STYXL2: variants seen among roughly 807,000 people sequenced by gnomAD.
The protein encoded by STYXL2 is serine/threonine/tyrosine-interacting-like protein 2.
A neutral mutation model predicts 52.4 loss-of-function variants in STYXL2; 44 were observed. The observed-to-expected ratio is 0.84, with a 90% CI of 0.66 to 1.08. The LOEUF (loss-of-function observed/expected upper bound fraction) is 1.08. STYXL2 is among the 50% of genes least tolerant of loss of function. The pLI is 0.00. For missense variants in STYXL2, 1,604 were observed against 1,471.7 expected (o/e 1.09, Z -1.47); for synonymous variants, 604 against 586.9 (o/e 1.03, Z -0.42).
chr1:167,120,849 TATATATATATATATATA>T (rs1667839070), intron 5 of STYXL2, among the ~76,000 whole-genome samples: 1 of 9,056 alleles, frequency 1.1e-4, no homozygotes, highest in African/African-American at 1.4e-3. Flanking sequence ...TATATATATA[TATATATATATATATATA>T]TATATATATA....
intron 2 of STYXL2, among the ~76,000 whole-genome samples, chr1:167,105,475 G>T (rs1036245611): frequency 1.3e-5 from 2 of 152,022 alleles, no homozygotes; most frequent in South Asian, 2.1e-4. Flanking sequence ...TTCTAATCAG[G>T]GTGTGAGTGT....
chr1:167,112,755 C>T (rs12129108), intron 2 of STYXL2, among the ~76,000 whole-genome samples: 17,696 of 152,154 alleles, frequency 0.12, 1,150 homozygotes, highest in African/African-American at 0.17. Context: ...ATTTTCTCAT[C>T]GGTAATGCAG....
At chr1:167,094,299 C>A in intron 1 of STYXL2, 105 bp downstream of exon 1, 1 of 156,578 alleles carries the variant, frequency 6.4e-6, no homozygotes, top group Non-Finnish European at 1.4e-5. Flanking sequence ...ATGGCTGGGA[C>A]CAGCTGCTGG....
chr1:167,104,180 C>T (rs968632409), intron 2 of STYXL2, among the ~76,000 whole-genome samples: 1 of 151,990 alleles, frequency 6.6e-6, no homozygotes, highest in Non-Finnish European at 1.5e-5. Context: ...CCCCACCCCC[C>T]GTCTCTTCCT....
rs766217259 is a variant in STYXL2, at chr1:167,128,488, G to T, written c.3357G>T (p.Gln1119His). ...GGTTTGCATCTGGACGGCGGTCCCA[G>T]TATCGGAGAAGCACTGACAGGGAGG... The part of the protein sequence containing the change: ...EGRFASGRRS[Q>H]YRRSTDREEE... Residue 1119 changes from glutamine to histidine, a missense_variant, in exon 6 of 6, where the codon CAG becomes CAT. Transcript: ENST00000361200. 16 of 1,613,894 alleles carry T rather than the reference G, an allele frequency of 9.9e-6. No individual in the cohort carries two copies. The highest frequency in any genetic ancestry group is 1.7e-5 in the Admixed American group (1 of 59,996).
At chr1:167,118,436 G>A (rs2102240282) in intron 4 of STYXL2, among the ~76,000 whole-genome samples, 1 of 152,308 alleles carries the variant, frequency 6.6e-6, no homozygotes, top group South Asian at 2.1e-4. Context: ...TTTGAACAGT[G>A]GGTCTTATCT....
At position 167,127,347 on chromosome 1, in the gene STYXL2, A is replaced by C; in HGVS notation, c.2216A>C (p.Gln739Pro). Reference sequence around the variant, plus strand: ...GTCAGTGAGACCCTTGCTCAGAAGCAAAATGAAATGCTGCTGTTGTCCCGC... The same window carrying C: ...GTCAGTGAGACCCTTGCTCAGAAGCCAAATGAAATGCTGCTGTTGTCCCGC... ...NVVSETLAQKQNEMLLLSRSP... is the reference protein window; with the variant it reads ...NVVSETLAQKPNEMLLLSRSP... The change falls in exon 6 of 6, where the codon CAA becomes CCA. Residue 739 changes from glutamine (Q) to proline (P), a missense_variant. Transcript: ENST00000361200. 6.2e-7 allele frequency: 1 copy of C among 1,614,220 alleles called. No individual in the cohort carries two copies. The highest frequency in any genetic ancestry group is 8.5e-7 in the Non-Finnish European group (1 of 1,180,040).
chr1:167,128,262 G>A lies in STYXL2; in HGVS notation c.3131G>A (p.Arg1044Gln), dbSNP rs1360739423. Residue 1044 changes from arginine (R) to glutamine (Q), a missense_variant, in exon 6 of 6, where the codon CGG becomes CAG. Arg to Gln is a conservative substitution (Grantham distance 43). Coordinates refer to ENST00000361200, the MANE Select transcript of STYXL2 (RefSeq NM_001080426.3). ...AGCCCAGAGCCCTACTTCTTCCGCC[G>A]GACCCCAGAGTCCTCAGAAAGGGAA... is the stretch of plus-strand genomic sequence containing the variant. ...EESPEPYFFR[R>Q]TPESSEREES... The A allele has an allele frequency of 4.3e-6, 7 of 1,613,976 alleles. No individual in the cohort carries two copies. In the South Asian group the frequency reaches 4.4e-5, roughly 10 times the overall value.
At chr1:167,113,953 C>T (rs1225497284) in intron 3 of STYXL2, 149 bp downstream of exon 3, 2 of 685,140 alleles carry the variant, frequency 2.9e-6, no homozygotes, top group African/African-American at 1.8e-5. Flanking sequence ...TCTGCCAACC[C>T]TACCTCCTCA....
intron 2 of STYXL2, among the ~76,000 whole-genome samples, chr1:167,106,876 T>C (rs1482845994): frequency 6.6e-6 from 1 of 152,260 alleles, no homozygotes; most frequent in Non-Finnish European, 1.5e-5. Flanking sequence ...AAGCATTTGC[T>C]TAAAACTTGC....
At position 167,126,156 on chromosome 1, in the gene STYXL2, T is replaced by C. The variant is rs369055427; in HGVS notation, c.1025T>C (p.Ile342Thr). The change falls in exon 6 of 6, where the codon ATA becomes ACA. Residue 342 changes from isoleucine to threonine, a missense_variant. Coordinates refer to ENST00000361200, the MANE Select transcript of STYXL2 (RefSeq NM_001080426.3). ...ATQASKPLTL[I>T]DEEEEEKLYE... ...CAGGCCTCCAAGCCCCTCACCCTCATAGACGAGGAGGAGGAGGAGAAACTG... is the reference window on the plus strand; with the variant it reads ...CAGGCCTCCAAGCCCCTCACCCTCACAGACGAGGAGGAGGAGGAGAAACTG... The C allele has an allele frequency of 4.0e-6, 6 of 1,512,402 alleles. No homozygotes were observed. Among genetic ancestry groups the C allele is most frequent in the Non-Finnish European group, 5.3e-6 (6 of 1,133,144 alleles). 93.7% of individuals were successfully genotyped at this position (1,512,402 alleles called of 1,614,324 possible).
intron 3 of STYXL2, among the ~76,000 whole-genome samples, chr1:167,114,771 T>G (rs1455956163): frequency 6.6e-6 from 1 of 151,632 alleles, no homozygotes; most frequent in Non-Finnish European, 1.5e-5. Context: ...TTTTTTCTTT[T>G]TCTTCCATAC....
Position 167,119,266 on chromosome 1 carries a change from A to T in STYXL2, c.455A>T (p.Lys152Met). ...FIAEKSVAVN[K>M]GRLKRLGITH... ...TCCCGCAGGAGTGTGGCTGTGAACA[A>T]GGGGAGGCTGAAGAGGCTGGGAATC... The change falls in exon 5 of 6, where the codon AAG becomes ATG. Residue 152 changes from lysine to methionine, a missense_variant. Transcript: ENST00000361200. 5 of 1,614,174 alleles carry T rather than the reference A, an allele frequency of 3.1e-6. No homozygotes were observed. The highest frequency in any genetic ancestry group is 1.6e-4 in the Middle Eastern group (1 of 6,062).
intron 2 of STYXL2, among the ~76,000 whole-genome samples, chr1:167,105,062 A>G (rs1448398811): frequency 7.0e-6 from 1 of 142,414 alleles, no homozygotes; most frequent in African/African-American, 3.1e-5. Flanking sequence ...TTATCCTTAC[A>G]ATGGGTGGTG....
chr1:167,119,202 C>T (rs752312770), intron 4 of STYXL2, 47 bp from the exon 5 acceptor site: 8 of 1,581,098 alleles, frequency 5.1e-6, no homozygotes, highest in Admixed American at 1.7e-5. Flanking sequence ...GGTGACACAC[C>T]TTTCTAGTTC....
Position 167,119,315 on chromosome 1 carries a change from T to G in STYXL2, c.504T>G (p.His168Gln), listed in dbSNP as rs756237141. 3 of 1,614,200 alleles carry G rather than the reference T, an allele frequency of 1.9e-6. No homozygotes were observed. The highest frequency in any genetic ancestry group is 2.2e-5 in the South Asian group (2 of 91,088). Residue 168 changes from histidine to glutamine, a missense_variant, in exon 5 of 6, where the codon CAT becomes CAG. His to Gln is a conservative substitution (Grantham distance 24, BLOSUM62 0). Transcript: ENST00000361200. The stretch of plus-strand genomic sequence containing the variant: ...TCACCCACATTCTGAATGCTGCGCA[T>G]GGCACCGGCGTTTACACTGGCCCCG... ...LGITHILNAA[H>Q]GTGVYTGPEF...
chr1:167,106,914 C>T (rs1667515752), intron 2 of STYXL2, among the ~76,000 whole-genome samples: 1 of 152,156 alleles, frequency 6.6e-6, no homozygotes, highest in Non-Finnish European at 1.5e-5. Context: ...AGCACTATTC[C>T]TGTTATCTAT....
chr1:167,101,597 A>T (rs1667403228), intron 2 of STYXL2, among the ~76,000 whole-genome samples: 1 of 152,164 alleles, frequency 6.6e-6, no homozygotes, highest in Admixed American at 6.5e-5. Context: ...TGAGGTCAGG[A>T]GTTTGAGACC....
intron 2 of STYXL2, among the ~76,000 whole-genome samples, chr1:167,111,497 TATATATATATATATATAC>T (rs1335984680): frequency 2.5e-4 from 12 of 47,860 alleles, no homozygotes; most frequent in African/African-American, 2.0e-3. Flanking sequence ...TATATATATA[TATATATATATATATATAC>T]ACACACACAC....
Sources: allele counts gnomAD v4.1 joint callset (sites outside exome capture counted in the v4.1 genomes callset), GRCh38; gene constraint gnomAD v4.1.1; transcripts MANE v1.5; gene names NCBI Gene and HGNC (gene_info 2026-07-23, HGNC 2026-07-21).